RXFP1: variants seen among roughly 807,000 people sequenced by gnomAD.
The protein encoded by RXFP1 is relaxin receptor 1.
A neutral mutation model predicts 89.8 loss-of-function variants in RXFP1; 73 were observed. The ratio of observed to expected loss-of-function variants is 0.81; its 90% confidence interval spans 0.67 to 0.99. The LOEUF is 0.99. Ranked by LOEUF, RXFP1 falls within the 50% of genes least tolerant of loss-of-function variation. The pLI, the probability that RXFP1 is intolerant of heterozygous loss-of-function variation, is 0.00. For missense variants in RXFP1, 793 were observed against 895.5 expected (o/e 0.89, Z 1.46); for synonymous variants, 277 against 305.5 (o/e 0.91, Z 0.97).
intron 1 of RXFP1, among the ~76,000 whole-genome samples, chr4:158,540,536 G>A (rs1361269889): frequency 6.6e-6 from 1 of 151,300 alleles, no homozygotes; most frequent in African/African-American, 2.4e-5. Flanking sequence ...TTATCAGCAA[G>A]GTCTTTATGA....
intron 2 of RXFP1, among the ~76,000 whole-genome samples, chr4:158,580,845 T>A (rs1757210611): frequency 6.6e-6 from 1 of 152,226 alleles, no homozygotes; most frequent in Non-Finnish European, 1.5e-5. Context: ...TCACCCAGAC[T>A]GGAGTGCAAT....
chr4:158,601,983 A>T (rs1761768770), intron 4 of RXFP1, among the ~76,000 whole-genome samples: 1 of 152,216 alleles, frequency 6.6e-6, no homozygotes, highest in African/African-American at 2.4e-5. Context: ...CTTTATAAAA[A>T]CTAGAGCTAG....
chr4:158,615,817 C>A (rs542668866), intron 8 of RXFP1, among the ~76,000 whole-genome samples: 4 of 151,764 alleles, frequency 2.6e-5, no homozygotes, highest in Non-Finnish European at 4.4e-5. Context: ...CAGAGCATGG[C>A]GACACATGCC....
intron 2 of RXFP1, among the ~76,000 whole-genome samples, chr4:158,583,666 G>A (rs1757788944): frequency 1.3e-5 from 2 of 152,036 alleles, no homozygotes; most frequent in African/African-American, 4.8e-5. Context: ...CTGAACCCTA[G>A]GCTTTTCTGA....
In RXFP1 at chr4:158,599,395, G is replaced by A. The variant is rs368154635; in HGVS notation, c.356G>A (p.Arg119Gln). The A allele has an allele frequency of 4.6e-5, 75 of 1,613,266 alleles. No individual in the cohort carries two copies. Among genetic ancestry groups the A allele is most frequent in the Admixed American group, 1.7e-4 (10 of 59,950 alleles). ...LELDCDETNL[R>Q]AVPSVSSNVT... ...CTTGACTGTGATGAAACCAATTTAC[G>A]AGCTGTTCCATCGGTTTCTTCAAAT... is the stretch of plus-strand genomic sequence containing the variant. Residue 119 changes from arginine to glutamine, a missense_variant, in exon 4 of 18, where the codon CGA becomes CAA. Coordinates refer to ENST00000307765, the MANE Select transcript of RXFP1 (RefSeq NM_021634.4).
chr4:158,649,597 C>A (rs1027406569), intron 17 of RXFP1, among the ~76,000 whole-genome samples: 1 of 151,866 alleles, frequency 6.6e-6, no homozygotes, highest in Non-Finnish European at 1.5e-5. Flanking sequence ...GGTGACAGAG[C>A]AAGATCCTGT....
At chr4:158,535,200 T>G (rs573422183) in intron 1 of RXFP1, among the ~76,000 whole-genome samples, 19 of 151,986 alleles carry the variant, frequency 1.3e-4, no homozygotes, top group South Asian at 6.2e-4. Flanking sequence ...GCTCAGAACA[T>G]GATGAGAAGT....
chr4:158,556,730 C>A (rs1751390643), intron 1 of RXFP1, among the ~76,000 whole-genome samples: 1 of 151,994 alleles, frequency 6.6e-6, no homozygotes, highest in African/African-American at 2.4e-5. Context: ...TACAGTTCAG[C>A]CACACATATA....
At chr4:158,552,939 C>T (rs532889263) in intron 1 of RXFP1, among the ~76,000 whole-genome samples, 6 of 152,272 alleles carry the variant, frequency 3.9e-5, no homozygotes, top group South Asian at 4.1e-4. Context: ...ATTCCCAGCA[C>T]ACTGGGAGGC....
At chr4:158,609,803 G>T (rs1763226700) in intron 6 of RXFP1, among the ~76,000 whole-genome samples, 1 of 152,134 alleles carries the variant, frequency 6.6e-6, no homozygotes, top group South Asian at 2.1e-4. Flanking sequence ...GCTCCTGACT[G>T]TCTTCTTTCC....
chr4:158,530,978 A>C (rs1743897467), intron 1 of RXFP1, among the ~76,000 whole-genome samples: 1 of 152,108 alleles, frequency 6.6e-6, no homozygotes, highest in Admixed American at 6.5e-5. Flanking sequence ...TATGCTAGTA[A>C]ACGTTAGCAG....
chr4:158,541,344 C>T (rs1455119228), intron 1 of RXFP1, among the ~76,000 whole-genome samples: 1 of 20,682 alleles, frequency 4.8e-5, no homozygotes, highest in African/African-American at 1.3e-4. Context: ...TCTCAGAGAG[C>T]TTCATGCACA....
intron 6 of RXFP1, chr4:158,610,517 A>T: frequency 4.8e-6 from 2 of 415,406 alleles, no homozygotes; most frequent in South Asian, 3.7e-5. Flanking sequence ...TGGGAAAACA[A>T]TGCCAACATA....
At chr4:158,570,017 C>A (rs1434417384) in intron 1 of RXFP1, among the ~76,000 whole-genome samples, 1 of 152,072 alleles carries the variant, frequency 6.6e-6, no homozygotes, top group Admixed American at 6.6e-5. Flanking sequence ...ATAAATATAG[C>A]AAATCAGATA....
At chr4:158,649,191 T>C (rs890916924) in intron 17 of RXFP1, among the ~76,000 whole-genome samples, 6 of 152,148 alleles carry the variant, frequency 3.9e-5, no homozygotes, top group African/African-American at 1.4e-4. Flanking sequence ...AAGAACTGTT[T>C]ATTTTTTTCC....
At chr4:158,564,241 A>G (rs903468986) in intron 1 of RXFP1, among the ~76,000 whole-genome samples, 24 of 152,194 alleles carry the variant, frequency 1.6e-4, no homozygotes, top group African/African-American at 5.5e-4. Flanking sequence ...ATATCCTGAC[A>G]GTTCCACATG....
intron 17 of RXFP1, among the ~76,000 whole-genome samples, chr4:158,651,380 C>CA (rs1357093344): frequency 6.6e-6 from 1 of 152,080 alleles, no homozygotes; most frequent in Non-Finnish European, 1.5e-5. Context: ...TTAAAATACT[C>CA]AAAAAGTGTT....
intron 2 of RXFP1, among the ~76,000 whole-genome samples, chr4:158,586,180 A>G (rs1758277934): frequency 1.3e-5 from 2 of 152,322 alleles, no homozygotes; most frequent in Non-Finnish European, 2.9e-5. Flanking sequence ...CTCAGTTTTT[A>G]TTTTAGCATA....
intron 3 of RXFP1, among the ~76,000 whole-genome samples, chr4:158,598,242 A>C (rs1460140697): frequency 6.6e-6 from 1 of 152,224 alleles, no homozygotes; most frequent in Non-Finnish European, 1.5e-5. Flanking sequence ...AGCTAATATC[A>C]GTTTTTAAAT....
Sources: allele counts gnomAD v4.1 joint callset (sites outside exome capture counted in the v4.1 genomes callset), GRCh38; gene constraint gnomAD v4.1.1; transcripts MANE v1.5; gene names NCBI Gene and HGNC (gene_info 2026-07-23, HGNC 2026-07-21).